TARS1: variants seen among roughly 807,000 people sequenced by gnomAD.
The protein encoded by TARS1 is threonine--tRNA ligase 1, cytoplasmic.
Under a neutral mutation model 97.7 loss-of-function variants are expected in TARS1, and 57 were observed. That is an observed-to-expected ratio of 0.58 (90% confidence interval 0.47 to 0.73). The LOEUF is 0.73. TARS1 is among the 30% of genes least tolerant of loss of function. The pLI is 0.00. For synonymous variants in TARS1, 312 were observed against 293.7 expected (o/e 1.06, Z -0.64); for missense variants, 806 against 888.3 (o/e 0.91, Z 1.18).
chr5:33,461,248 C>T lies in TARS1; in HGVS notation c.1504C>T (p.Pro502Ser), dbSNP rs762764012. ...TTTTAAACTAAACCTTTCTACTCGC[C>T]CGGAAAAATTCCTTGGAGATATCGA... ...FSFKLNLSTR[P>S]EKFLGDIEVW... is the part of the protein sequence containing the mutation. Residue 502 changes from proline (P) to serine (S), a missense_variant, in exon 13 of 19, where the codon CCG becomes TCG. Physicochemically the swap from Pro to Ser is moderately conservative, Grantham distance 74. Transcript: ENST00000265112. The T allele has an allele frequency of 1.2e-6, 2 of 1,613,844 alleles. No homozygotes were observed. Among genetic ancestry groups the T allele is most frequent in the Non-Finnish European group, 1.7e-6 (2 of 1,179,940 alleles).
chr5:33,443,475 C>CT (rs199902596), intron 1 of TARS1, among the ~76,000 whole-genome samples: 20,966 of 130,238 alleles, frequency 0.16, 1,930 homozygotes, highest in South Asian at 0.26. Flanking sequence ...ATTTTTCTTT[C>CT]TTTTTTTTTT....
chr5:33,467,459 G>T, intron 18 of TARS1, 101 bp from the exon 19 acceptor site: 1 of 1,317,108 alleles, frequency 7.6e-7, no homozygotes, highest in Non-Finnish European at 1.0e-6. Flanking sequence ...GAAGCTATGG[G>T]GTAGGTTTTG....
intron 1 of TARS1, among the ~76,000 whole-genome samples, chr5:33,444,394 A>G (rs1454646411): frequency 6.6e-6 from 1 of 152,254 alleles, no homozygotes; most frequent in African/African-American, 2.4e-5. Context: ...TACATGGGTA[A>G]CTTGTATGGT....
At chr5:33,441,363 C>G (rs1298695537) in intron 1 of TARS1, 2 of 576,332 alleles carry the variant, frequency 3.5e-6, no homozygotes, top group Admixed American at 3.0e-5. Flanking sequence ...TGGGTCCATT[C>G]TCTTTACAGA....
At chr5:33,462,274 T>A in intron 16 of TARS1, 71 bp downstream of exon 16, 1 of 1,333,980 alleles carries the variant, frequency 7.5e-7, no homozygotes, top group Non-Finnish European at 1.1e-6. Context: ...CTTTTCGATT[T>A]AATTATCAGA....
chr5:33,456,454 T>G (rs1425663238), intron 8 of TARS1, among the ~76,000 whole-genome samples: 1 of 152,158 alleles, frequency 6.6e-6, no homozygotes, highest in Non-Finnish European at 1.5e-5. Context: ...GGATGGAGAT[T>G]TTACAAAATC....
At chr5:33,459,983 C>T (rs981730147) in intron 11 of TARS1, 122 bp downstream of exon 11, 15 of 1,076,178 alleles carry the variant, frequency 1.4e-5, no homozygotes, top group African/African-American at 6.4e-5. Flanking sequence ...AGCATTTAAA[C>T]GCAACATCTT....
intron 10 of TARS1, among the ~76,000 whole-genome samples, chr5:33,459,035 T>C (rs1215448167): frequency 1.3e-5 from 2 of 152,240 alleles, no homozygotes; most frequent in African/African-American, 4.8e-5. Flanking sequence ...TGTACTTAAC[T>C]ACCCACATTT....
rs1284689906 is a variant in TARS1 at position 33,455,601 on chromosome 5, A to G, written c.590A>G (p.Asn197Ser). 5.0e-6 allele frequency: 8 copies of G among 1,610,508 alleles called. No individual in the cohort carries two copies. In the Admixed American group the frequency reaches 6.7e-5, roughly 13 times the overall value. ...MYLEEGGVSS[N>S]DFSSLEALCK... ...TTCTCCTTCAGGGGTGTGTCTAGCA[A>G]TGATTTCTCTTCTCTGGAGGCTTTG... The change falls in exon 6 of 19, where the codon AAT (asparagine) becomes AGT (serine). Residue 197 changes from asparagine (N) to serine (S), a missense_variant. Coordinates refer to ENST00000265112, the MANE Select transcript of TARS1 (RefSeq NM_152295.5).
chr5:33,456,176 G>T lies in TARS1; in HGVS notation c.786G>T (p.Arg262=). ...GTGGCCCTTTGATAGATCTCTGCCG[G>T]GGTCCTCATGTTAGACACACGGGCA... The part of the protein sequence containing the change: ...YRCGPLIDLC[R]GPHVRHTGKI... The change falls in exon 8 of 19, where the codon CGG becomes CGT. Residue 262 remains arginine (R), a synonymous_variant. Coordinates refer to ENST00000265112, the MANE Select transcript of TARS1 (RefSeq NM_152295.5). The T allele has an allele frequency of 1.2e-6, 2 of 1,613,792 alleles. No homozygotes were observed. The highest frequency in any genetic ancestry group is 1.7e-6 in the Non-Finnish European group (2 of 1,179,952).
At chr5:33,445,487 G>C in intron 2 of TARS1, 83 bp downstream of exon 2, 1 of 1,153,206 alleles carries the variant, frequency 8.7e-7, no homozygotes, top group Non-Finnish European at 1.3e-6. Context: ...TAATGTGTAA[G>C]GGTTCTAATG....
chr5:33,465,627 C>G (rs1039142787), intron 17 of TARS1, among the ~76,000 whole-genome samples: 3 of 152,180 alleles, frequency 2.0e-5, no homozygotes, highest in African/African-American at 7.2e-5. Context: ...AATAAAATGT[C>G]AACAGGTTAA....
chr5:33,446,353 G>C lies in TARS1; in HGVS notation c.138+949G>C, dbSNP rs148777547. 1.6e-3 allele frequency among the ~76,000 whole-genome samples: 249 copies of C among 152,246 alleles called. 1 individual carries two copies. Among genetic ancestry groups the C allele is most frequent in the South Asian group, 7.3e-3 (35 of 4,820 alleles). On this transcript the variant is annotated intron_variant, in intron 2 of 18. Coordinates refer to ENST00000265112, the MANE Select transcript of TARS1 (RefSeq NM_152295.5). ...GTAATTGTGAAGAAAATTGTTGATT[G>C]TGAATTTTAAAATTTGCAAGCCAAT...
rs375378451 is a variant in TARS1, at chr5:33,454,618, A to G, written c.454-327A>G. Among the ~76,000 whole-genome samples the G allele has an allele frequency of 4.6e-5, 7 of 152,248 alleles. No individual in the cohort carries two copies. In the East Asian group the frequency reaches 7.7e-4, roughly 17 times the overall value. The stretch of plus-strand genomic sequence containing the variant: ...ACTCAAAAGAACCTGGGCCATTGCA[A>G]TCAATGAGTTAGTCACATTGTGAGT... On this transcript the variant is annotated intron_variant, in intron 4 of 18. Transcript: ENST00000265112.
At chr5:33,446,931 A>C (rs1458873847) in intron 2 of TARS1, among the ~76,000 whole-genome samples, 2 of 152,186 alleles carry the variant, frequency 1.3e-5, no homozygotes, top group African/African-American at 4.8e-5. Flanking sequence ...AATTTGATGA[A>C]AAGCTCTCAA....
chr5:33,447,885 A>G lies in TARS1; in HGVS notation c.139-656A>G, dbSNP rs557574243. Among the ~76,000 whole-genome samples the G allele has an allele frequency of 3.9e-4, 60 of 152,380 alleles. 1 individual carries two copies. The highest frequency in any genetic ancestry group is 1.3e-3 in the African/African-American group (53 of 41,598). On this transcript the variant is annotated intron_variant, in intron 2 of 18. Coordinates refer to ENST00000265112, the MANE Select transcript of TARS1 (RefSeq NM_152295.5). ...AATGTTCCATAGATTATAGAGTGAC[A>G]GTAGAAGAAGTCAGCTCTCTGATTG...
chr5:33,457,503 G>A, intron 9 of TARS1, 100 bp downstream of exon 9: 1 of 1,379,172 alleles, frequency 7.3e-7, no homozygotes, highest in Non-Finnish European at 1.0e-6. Context: ...TTGTTTTGAA[G>A]AGATGTTGTG....
rs777799549 is a variant in TARS1, at chr5:33,453,429, T to C, written c.453+17T>C. 2 of 1,612,974 alleles carry C rather than the reference T, an allele frequency of 1.2e-6. No homozygotes were observed. The highest frequency in any genetic ancestry group is 1.1e-5 in the South Asian group (1 of 90,912). ...GCTCAGGCAGTAAGTTGCTGATTAG[T>C]ATTCATTGAATTTTAGGATGCAGAT... On this transcript the variant is annotated intron_variant, in intron 4 of 18. Coordinates refer to ENST00000265112, the MANE Select transcript of TARS1 (RefSeq NM_152295.5).
chr5:33,458,749 CTGTATT>C lies in TARS1; in HGVS notation c.1083+88_1083+93del, dbSNP rs1349488575. On this transcript the variant is annotated intron_variant, in intron 10 of 18. Coordinates refer to ENST00000265112, the MANE Select transcript of TARS1 (RefSeq NM_152295.5). Reference sequence around the variant, plus strand: ...AAGGTCTACTAAAAGGAAAGATAATCTGTATTTGAGAAGAAATATATAAGACGATAA... The same window carrying C: ...AAGGTCTACTAAAAGGAAAGATAATCTGAGAAGAAATATATAAGACGATAA... 3 of 1,080,714 alleles carry C rather than the reference CTGTATT, an allele frequency of 2.8e-6. No individual in the cohort carries two copies. In the Admixed American group the frequency reaches 7.0e-5, roughly 25 times the overall value. 66.9% of individuals were successfully genotyped at this position (1,080,714 alleles called of 1,614,324 possible). A position where few individuals can be genotyped will look rare whatever the true frequency, so the allele number is the denominator to read the frequency against.
Sources: gnomAD v4.1 joint callset for allele counts (sites outside exome capture counted in the v4.1 genomes callset) on GRCh38, gnomAD v4.1.1 for gene constraint, MANE v1.5 for transcripts, NCBI Gene and HGNC (gene_info 2026-07-23, HGNC 2026-07-21) for gene names.